NEBL: variants seen among roughly 807,000 people sequenced by gnomAD.
NEBL encodes the protein nebulette, also known as LIM and SH3 protein 2.
In NEBL, 122 loss-of-function variants were observed where a neutral mutation model predicts 140.2. The observed-to-expected ratio is 0.87, with a 90% CI of 0.75 to 1.01. NEBL has a LOEUF of 1.01. Among genes scored for constraint, NEBL ranks in the 50% least tolerant of loss-of-function variants. The probability of loss-of-function intolerance (pLI) is 0.00; values close to 1 mark genes in which losing one functional copy is unlikely to be tolerated. For synonymous variants in NEBL, 436 were observed against 398.9 expected (o/e 1.09, Z -1.11); for missense variants, 1,365 against 1,231.3 (o/e 1.11, Z -1.62).
chr10:21,095,204 C>A (rs1231849218), intron 2 of NEBL, among the ~76,000 whole-genome samples: 1 of 152,204 alleles, frequency 6.6e-6, no homozygotes, highest in Non-Finnish European at 1.5e-5. Flanking sequence ...GATTTCAGAA[C>A]CCCTGCCCTG....
intron 2 of NEBL, among the ~76,000 whole-genome samples, chr10:21,248,513 G>A (rs1474387601): frequency 6.6e-6 from 1 of 152,042 alleles, no homozygotes. Context: ...TTCCTTATTA[G>A]GACTGAAGAA....
At chr10:20,829,455 A>G (rs1300320833) in intron 16 of NEBL, among the ~76,000 whole-genome samples, 59 of 119,104 alleles carry the variant, frequency 5.0e-4, no homozygotes, top group East Asian at 2.8e-3. Context: ...GGGAGGGGGG[A>G]GGGATAGCAT....
chr10:21,186,656 T>G (rs1261215447), intron 3 of NEBL, among the ~76,000 whole-genome samples: 2 of 151,986 alleles, frequency 1.3e-5, no homozygotes, highest in Non-Finnish European at 2.9e-5. Flanking sequence ...GAGAATTGTT[T>G]GCGACTTTTT....
chr10:20,856,445 T>C lies in NEBL; in HGVS notation c.903+1795A>G, dbSNP rs16921162. On this transcript the variant is annotated intron_variant, in intron 9 of 27. Transcript: ENST00000377122. ...CATGAATCCCCATGTCCCTAGGAAA[T>C]TGAATTTAAGTATGGCTAGAGAAAG... Among the ~76,000 whole-genome samples, 767 of 152,268 alleles carry C rather than the reference T, an allele frequency of 5.0e-3. 5 individuals carry two copies. The highest frequency in any genetic ancestry group is 0.017 in the Middle Eastern group (5 of 294).
intron 3 of NEBL, among the ~76,000 whole-genome samples, chr10:21,005,506 G>A (rs1363297508): frequency 1.8e-5 from 2 of 108,978 alleles, no homozygotes; most frequent in African/African-American, 9.9e-5. Context: ...AGGTCAAGAT[G>A]GGGGGATCGC....
chr10:21,277,610 A>T (rs559663309), intron 1 of NEBL, among the ~76,000 whole-genome samples: 120 of 152,308 alleles, frequency 7.9e-4, no homozygotes, highest in South Asian at 5.0e-3. Context: ...GGGACAGAAC[A>T]TACAGTTAGT....
At chr10:21,064,061 G>C (rs886602469) in intron 2 of NEBL, among the ~76,000 whole-genome samples, 1 of 152,082 alleles carries the variant, frequency 6.6e-6, no homozygotes, top group African/African-American at 2.4e-5. Flanking sequence ...AACAGAGGGA[G>C]ACCCTGTCTC....
At chr10:21,140,330 C>T (rs1322835909) in intron 2 of NEBL, among the ~76,000 whole-genome samples, 14 of 152,092 alleles carry the variant, frequency 9.2e-5, no homozygotes, top group Admixed American at 7.8e-4. Flanking sequence ...AGGAATCTAC[C>T]GTATTTATAC....
At chr10:21,139,880 G>A (rs117406371) in intron 2 of NEBL, among the ~76,000 whole-genome samples, 1,944 of 152,040 alleles carry the variant, frequency 0.013, 32 homozygotes, top group Non-Finnish European at 0.021. Context: ...TCAGGCACTG[G>A]TGGCTCACGC....
chr10:20,977,415 C>A (rs922968369), intron 3 of NEBL, among the ~76,000 whole-genome samples: 2 of 152,158 alleles, frequency 1.3e-5, no homozygotes, highest in African/African-American at 4.8e-5. Flanking sequence ...AGGCACATAA[C>A]CTTATCAAAT....
At chr10:21,215,170 T>A (rs1841972481) in intron 3 of NEBL, among the ~76,000 whole-genome samples, 1 of 152,224 alleles carries the variant, frequency 6.6e-6, no homozygotes, top group Non-Finnish European at 1.5e-5. Flanking sequence ...ATTAGTGGCA[T>A]GTGGTGGCAC....
In NEBL at chr10:21,215,304, A is replaced by G. The variant is rs111526794; in HGVS notation, n.348+32617T>C. Among the ~76,000 whole-genome samples the G allele has an allele frequency of 6.1e-3, 923 of 152,232 alleles. 10 individuals carry two copies. Among genetic ancestry groups the G allele is most frequent in the African/African-American group, 0.021 (884 of 41,524 alleles). On this transcript the variant is annotated intron_variant and non_coding_transcript_variant, in intron 3 of 8. Coordinates refer to the NEBL transcript ENST00000675702. ...AGCCTAGGTGACAGGGCAAGAGCCT[A>G]TCTCTTTTAAAAAGAGTTTTTAAAA...
At chr10:21,139,772 T>C (rs1489327735) in intron 2 of NEBL, among the ~76,000 whole-genome samples, 2 of 152,144 alleles carry the variant, frequency 1.3e-5, no homozygotes, top group South Asian at 2.1e-4. Context: ...GAATTAAATA[T>C]AGAAATGCCG....
At chr10:21,075,084 G>C (rs1836003919) in intron 2 of NEBL, among the ~76,000 whole-genome samples, 1 of 152,152 alleles carries the variant, frequency 6.6e-6, no homozygotes, top group Non-Finnish European at 1.5e-5. Context: ...AAGATTGCAG[G>C]TGTGAGCCAC....
At chr10:20,826,900 G>A (rs1336234549) in intron 17 of NEBL, among the ~76,000 whole-genome samples, 2 of 152,200 alleles carry the variant, frequency 1.3e-5, no homozygotes, top group Non-Finnish European at 2.9e-5. Context: ...AGCCCATTAA[G>A]CCGTTATCAC....
chr10:20,935,905 G>GA (rs1048799035), intron 4 of NEBL, among the ~76,000 whole-genome samples: 6 of 151,886 alleles, frequency 4.0e-5, no homozygotes, highest in African/African-American at 2.4e-5. Flanking sequence ...TTAGCTCCCA[G>GA]AAAAAAATTG....
chr10:21,191,361 C>T (rs1290878684), intron 3 of NEBL, among the ~76,000 whole-genome samples: 1 of 152,158 alleles, frequency 6.6e-6, no homozygotes, highest in African/African-American at 2.4e-5. Context: ...AAGTAACTTG[C>T]CCAAGATCAC....
intron 3 of NEBL, among the ~76,000 whole-genome samples, chr10:20,984,988 A>G (rs557231926): frequency 5.9e-5 from 9 of 152,282 alleles, no homozygotes; most frequent in Non-Finnish European, 1.2e-4. Context: ...TGCTCTCATG[A>G]TGATTTGTCA....
rs1328600897 is a variant in NEBL, at chr10:20,810,427, G to A, written c.2519-529C>T. 2.6e-5 allele frequency among the ~76,000 whole-genome samples: 4 copies of A among 152,230 alleles called. No individual in the cohort carries two copies. The East Asian group carries it at 7.7e-4, about 29-fold the overall frequency. On this transcript the variant is annotated intron_variant, in intron 24 of 27. Coordinates refer to ENST00000377122, the MANE Select transcript of NEBL (RefSeq NM_006393.3). ...TATTTAAAATGTGGAATGGTGGCAA[G>A]CCTAGTTTTCATTCTGAGTCTGTGA...
Sources: gnomAD v4.1 joint callset for allele counts (sites outside exome capture counted in the v4.1 genomes callset) on GRCh38, gnomAD v4.1.1 for gene constraint, MANE v1.5 for transcripts, NCBI Gene and HGNC (gene_info 2026-07-23, HGNC 2026-07-21) for gene names.